Variants in ARHGAP39 observed in about 807,000 individuals in gnomAD.
ARHGAP39 encodes Rho GTPase activating protein 39.
In ARHGAP39, 44 loss-of-function variants were observed where a neutral mutation model predicts 106.9. That is an observed-to-expected ratio of 0.41 (90% CI 0.32 to 0.53). ARHGAP39 has a LOEUF of 0.53. Among genes scored for constraint, ARHGAP39 ranks in the 20% least tolerant of loss-of-function variants. The probability of loss-of-function intolerance (pLI) is 0.21; values close to 1 mark genes in which losing one functional copy is unlikely to be tolerated. For synonymous variants in ARHGAP39, 768 were observed against 693.2 expected, an observed-to-expected ratio of 1.11 and a Z score of -1.69; for missense variants, 1,496 against 1,577.3, an observed-to-expected ratio of 0.95 and a Z score of 0.87.
the ARHGAP39 span, among the ~76,000 whole-genome samples, chr8:144,693,050 C>T: frequency 4.2e-5 from 6 of 141,726 alleles, no homozygotes; most frequent in Admixed American, 2.2e-4. Flanking sequence ...TGAGCCACTG[C>T]GCCCGGCCTT....
chr8:144,530,367 G>A lies in ARHGAP39; in HGVS notation c.*55C>T. On this transcript the variant is annotated 3_prime_UTR_variant, in exon 12 of 12. Transcript: ENST00000377307. ...CCCCTCTGCCGGGAGAGCGAGTGCG[G>A]AGTTCGGCCTGGCTGGGGGCGGCAG... is the stretch of plus-strand genomic sequence containing the variant. The A allele has an allele frequency of 6.6e-7, 1 of 1,520,658 alleles. No homozygotes were observed. The highest frequency in any genetic ancestry group is 1.9e-5 in the Admixed American group (1 of 51,372). 94.2% of individuals were successfully genotyped at this position (1,520,658 alleles called of 1,614,324 possible). A position where few individuals can be genotyped will look rare whatever the true frequency, so the allele number is the denominator to read the frequency against.
At chr8:144,629,241 T>C (rs1821002113) in intron 1 of ARHGAP39, among the ~76,000 whole-genome samples, 1 of 152,250 alleles carries the variant, frequency 6.6e-6, no homozygotes, top group Admixed American at 6.5e-5. Flanking sequence ...CTCACCCTGC[T>C]GCCTGATTAG....
chr8:144,549,768 C>T (rs926481101), intron 4 of ARHGAP39, among the ~76,000 whole-genome samples: 2 of 152,182 alleles, frequency 1.3e-5, no homozygotes, highest in Non-Finnish European at 2.9e-5. Context: ...GCTGGGATTA[C>T]AGGTGTGAGC....
rs117351287 is a variant in ARHGAP39 at position 144,547,180 on chromosome 8, C to T, written c.1906G>A (p.Val636Ile). ...GAGGCCAGGTTGGTCTGCACGGAGA[C>T]GCTCTTCTCCAGCAGGATCTGGGGG... The part of the protein sequence containing the change: ...GFPQILLEKS[V>I]SVQTNLASPE... Residue 636 changes from valine (V) to isoleucine (I), a missense_variant, in exon 5 of 12, where the codon GTC (valine) becomes ATC (isoleucine). By Grantham distance (29) the Val-to-Ile change is conservative. Around this residue, in one of 4 missense-constraint regions of ARHGAP39, gnomAD observed 905 missense variants for 816.4 expected, o/e 1.11. Coordinates refer to ENST00000377307, the MANE Select transcript of ARHGAP39 (RefSeq NM_025251.3). This position sits in a 1 kb window ranked among gnomAD's most constrained non-coding sequence, Gnocchi z 5.2. The T allele has an allele frequency of 1.0e-3, 1,649 of 1,611,806 alleles. 31 individuals carry two copies. In the East Asian group the frequency reaches 0.027, roughly 26 times the overall value.
At chr8:144,551,433 T>C (rs1242315179) in intron 4 of ARHGAP39, among the ~76,000 whole-genome samples, 2 of 152,140 alleles carry the variant, frequency 1.3e-5, no homozygotes, top group South Asian at 2.1e-4. Context: ...CACGTGTGTG[T>C]GCCAAGCACC....
chr8:144,656,410 T>G (rs532196374), intron 1 of ARHGAP39, among the ~76,000 whole-genome samples: 1 of 152,158 alleles, frequency 6.6e-6, no homozygotes, highest in Non-Finnish European at 1.5e-5. Flanking sequence ...CAAGATTATG[T>G]AACAATCCTA....
At chr8:144,695,639 G>C in the ARHGAP39 span, among the ~76,000 whole-genome samples, 3 of 152,164 alleles carry the variant, frequency 2.0e-5, no homozygotes, top group Non-Finnish European at 2.9e-5. Context: ...GAAGGGGCTA[G>C]ATTTTCCTTT....
At chr8:144,698,948 C>T in the ARHGAP39 span, 1 of 448,260 alleles carries the variant, frequency 2.2e-6, no homozygotes, top group Non-Finnish European at 4.5e-6. Flanking sequence ...ATCCCACGGC[C>T]TGCAACCCCA....
At chr8:144,621,169 C>A (rs1295256955) in intron 1 of ARHGAP39, among the ~76,000 whole-genome samples, 6 of 152,284 alleles carry the variant, frequency 3.9e-5, no homozygotes, top group Non-Finnish European at 1.5e-5. Flanking sequence ...GCAGTCCCTG[C>A]CTTCAGCCTG....
At position 144,644,227 on chromosome 8, in the gene ARHGAP39, T is replaced by C. The variant is rs1024503500; in HGVS notation, c.-81-38532A>G. Among the ~76,000 whole-genome samples the C allele has an allele frequency of 2.6e-5, 4 of 152,136 alleles. No individual in the cohort carries two copies. Among genetic ancestry groups the C allele is most frequent in the African/African-American group, 4.8e-5 (2 of 41,498 alleles). On this transcript the variant is annotated intron_variant, in intron 1 of 11. Transcript: ENST00000377307. This position sits in a 1 kb window ranked among gnomAD's most constrained non-coding sequence, Gnocchi z 4.8. The stretch of plus-strand genomic sequence containing the variant: ...CCCACTCAATGCGATGCTTCAGCCA[T>C]AGAGAGGGATTGGCTCTAAGGCTAA...
At chr8:144,664,995 A>G (rs1354562452) in intron 1 of ARHGAP39, among the ~76,000 whole-genome samples, 1 of 152,254 alleles carries the variant, frequency 6.6e-6, no homozygotes, top group African/African-American at 2.4e-5. Flanking sequence ...AATGTGGGAA[A>G]GTCTGGAACC....
chr8:144,534,354 T>A, intron 7 of ARHGAP39, 152 bp from the exon 8 acceptor site: 1 of 749,126 alleles, frequency 1.3e-6, no homozygotes, highest in Non-Finnish European at 2.2e-6. Context: ...GTCCTCACAC[T>A]CTCCCAGGCA....
At chr8:144,680,569 G>T (rs774602598) in intron 1 of ARHGAP39, among the ~76,000 whole-genome samples, 21 of 152,056 alleles carry the variant, frequency 1.4e-4, no homozygotes, top group Non-Finnish European at 2.8e-4. Flanking sequence ...GCATGTCTGT[G>T]GCACTACAAT....
chr8:144,689,837 C>G (rs1462782765), upstream of ARHGAP39, among the ~76,000 whole-genome samples: 4 of 150,652 alleles, frequency 2.7e-5, no homozygotes, highest in Non-Finnish European at 5.9e-5. Context: ...CTTCCGCCTC[C>G]TGGGTTCAAG....
At chr8:144,603,969 T>G (rs752249632) in intron 2 of ARHGAP39, among the ~76,000 whole-genome samples, 2 of 151,874 alleles carry the variant, frequency 1.3e-5, no homozygotes, top group African/African-American at 4.8e-5. Flanking sequence ...AAGCGCAATA[T>G]CAACCCCGAA....
rs1291845221 is a variant in ARHGAP39 at position 144,591,960 on chromosome 8, C to T, written c.81-10683G>A. On this transcript the variant is annotated intron_variant, in intron 2 of 11. Transcript: ENST00000377307. The surrounding 1 kb of genome is among the most constrained non-coding windows in gnomAD (Gnocchi z 5.3). ...GGAGTGGTGCCTGATCTCCTGTTCTCGCGTCACTTCTGTTAGATTTTAGCA... is the reference window on the plus strand; with the variant it reads ...GGAGTGGTGCCTGATCTCCTGTTCTTGCGTCACTTCTGTTAGATTTTAGCA... Among the ~76,000 whole-genome samples, 1 of 152,078 alleles carries T rather than the reference C, an allele frequency of 6.6e-6. No homozygotes were observed. The highest frequency in any genetic ancestry group is 1.5e-5 in the Non-Finnish European group (1 of 68,002).
At chr8:144,565,432 T>C (rs754579502) in intron 3 of ARHGAP39, among the ~76,000 whole-genome samples, 4 of 152,202 alleles carry the variant, frequency 2.6e-5, no homozygotes, top group Non-Finnish European at 4.4e-5. Flanking sequence ...TTCATGCCCG[T>C]AATTCCAGCA....
intron 1 of ARHGAP39, among the ~76,000 whole-genome samples, chr8:144,634,918 T>C (rs1308589917): frequency 6.6e-6 from 1 of 152,246 alleles, no homozygotes; most frequent in Non-Finnish European, 1.5e-5. Flanking sequence ...TAGTCTCCAC[T>C]CCTGTCTGGA....
At chr8:144,537,948 G>A (rs1817031317) in intron 6 of ARHGAP39, 135 bp from the exon 7 acceptor site, 2 of 730,730 alleles carry the variant, frequency 2.7e-6, no homozygotes, top group African/African-American at 1.8e-5. Context: ...GGGGCTGAGC[G>A]TTTCTGGGGG....
Sources: allele counts gnomAD v4.1 joint callset (sites outside exome capture counted in the v4.1 genomes callset), GRCh38; gene constraint gnomAD v4.1.1; regional missense constraint gnomAD v4.1.1; non-coding constraint Gnocchi (gnomAD v3.1); transcripts MANE v1.5; gene names NCBI Gene and HGNC (gene_info 2026-07-23, HGNC 2026-07-21).